PTPRD: variants seen among roughly 807,000 people sequenced by gnomAD.
PTPRD encodes receptor-type tyrosine-protein phosphatase delta.
PTPRD carries 34 observed loss-of-function variants against 214.5 expected under a neutral mutation model. That is an observed-to-expected ratio of 0.16 (90% CI 0.12 to 0.21). PTPRD has a LOEUF of 0.21. Ranked by LOEUF, PTPRD falls within the 10% of genes least tolerant of loss-of-function variation. PTPRD has a pLI of 1.00. For synonymous variants in PTPRD, 1,128 were observed against 845.7 expected (o/e 1.33, Z -5.79); for missense variants, 2,545 against 2,398.7 (o/e 1.06, Z -1.27).
At chr9:10,055,309 G>A (rs1453091304) in intron 3 of PTPRD, among the ~76,000 whole-genome samples, 3 of 152,060 alleles carry the variant, frequency 2.0e-5, no homozygotes, top group Non-Finnish European at 2.9e-5. Context: ...TGTATTTAAA[G>A]TAATGGAGTT....
At position 10,521,675 on chromosome 9, in the gene PTPRD, C is replaced by T. The variant is rs918798631; in HGVS notation, c.-600+90723G>A. ...AGCCATCCACCCTAACCTTCGACAACCACCACCCAGATTAGTCAAAAGCAA... is the reference window on the plus strand; with the variant it reads ...AGCCATCCACCCTAACCTTCGACAATCACCACCCAGATTAGTCAAAAGCAA... On this transcript the variant is annotated intron_variant, in intron 2 of 45. Coordinates refer to ENST00000381196, the MANE Select transcript of PTPRD (RefSeq NM_002839.4). Among the ~76,000 whole-genome samples the T allele has an allele frequency of 2.0e-5, 3 of 152,250 alleles. No homozygotes were observed. The South Asian group carries it at 6.2e-4, about 32-fold the overall frequency.
chr9:9,302,488 C>T (rs1955682411), intron 9 of PTPRD, among the ~76,000 whole-genome samples: 1 of 36,602 alleles, frequency 2.7e-5, no homozygotes, highest in South Asian at 8.2e-4. Flanking sequence ...GCAGATAAGG[C>T]CCATGTAACT....
chr9:10,009,305 T>G (rs1429177763), intron 4 of PTPRD, among the ~76,000 whole-genome samples: 1 of 150,160 alleles, frequency 6.7e-6, no homozygotes, highest in Non-Finnish European at 1.5e-5. Flanking sequence ...TGAAAACAAG[T>G]ATCCAAGGTG....
intron 3 of PTPRD, among the ~76,000 whole-genome samples, chr9:10,280,356 A>C (rs78533203): frequency 0.064 from 9,041 of 142,078 alleles, 906 homozygotes; most frequent in African/African-American, 0.23. Flanking sequence ...TAAATACATA[A>C]ACACCACACA....
At chr9:10,430,234 G>C (rs2098664994) in intron 2 of PTPRD, among the ~76,000 whole-genome samples, 3 of 151,874 alleles carry the variant, frequency 2.0e-5, no homozygotes, top group African/African-American at 7.2e-5. Context: ...AAGACAATTT[G>C]ATATCCTTAA....
At chr9:9,745,288 A>G (rs1229728193) in intron 6 of PTPRD, among the ~76,000 whole-genome samples, 1 of 152,126 alleles carries the variant, frequency 6.6e-6, no homozygotes, top group Non-Finnish European at 1.5e-5. Context: ...GCTGTGGACT[A>G]TGCTAAATAT....
chr9:8,652,829 G>C (rs1400061013), intron 12 of PTPRD, among the ~76,000 whole-genome samples: 3 of 152,116 alleles, frequency 2.0e-5, no homozygotes, highest in African/African-American at 7.2e-5. Flanking sequence ...TGTATGCCAG[G>C]TCACACACAT....
At chr9:9,183,141 G>C (rs1183224110) in intron 10 of PTPRD, among the ~76,000 whole-genome samples, 163 bp downstream of exon 10, 10 of 151,960 alleles carry the variant, frequency 6.6e-5, no homozygotes, top group Non-Finnish European at 8.8e-5. Flanking sequence ...AAAATCTATA[G>C]TAAAGAATAA....
At chr9:9,788,064 G>A (rs1164117068) in intron 5 of PTPRD, among the ~76,000 whole-genome samples, 1 of 151,516 alleles carries the variant, frequency 6.6e-6, no homozygotes, top group Non-Finnish European at 1.5e-5. Context: ...GATTACAGGC[G>A]TGAGCCATCG....
intron 8 of PTPRD, among the ~76,000 whole-genome samples, chr9:9,503,382 A>T (rs1020969825): frequency 2.0e-5 from 3 of 151,576 alleles, no homozygotes; most frequent in Non-Finnish European, 4.4e-5. Flanking sequence ...AGTGACTCAC[A>T]TTTTTTAGTG....
intron 10 of PTPRD, among the ~76,000 whole-genome samples, chr9:9,109,970 C>A (rs1378621619): frequency 6.6e-6 from 1 of 151,934 alleles, no homozygotes; most frequent in African/African-American, 2.4e-5. Context: ...TGAGGTAGAT[C>A]TGGGGGTACT....
At chr9:9,503,776 T>A (rs1020565335) in intron 8 of PTPRD, among the ~76,000 whole-genome samples, 1 of 151,636 alleles carries the variant, frequency 6.6e-6, no homozygotes, top group Non-Finnish European at 1.5e-5. Context: ...TGCCTATGAT[T>A]TTACAAAGGC....
chr9:9,472,579 C>T (rs2094700101), intron 8 of PTPRD, among the ~76,000 whole-genome samples: 1 of 151,938 alleles, frequency 6.6e-6, no homozygotes, highest in Non-Finnish European at 1.5e-5. Context: ...TTGCAGCCAA[C>T]CTCAAGTTTC....
chr9:10,371,254 C>T (rs763643463), intron 2 of PTPRD, among the ~76,000 whole-genome samples: 2 of 151,988 alleles, frequency 1.3e-5, no homozygotes, highest in Non-Finnish European at 2.9e-5. Flanking sequence ...TCCACACATA[C>T]TTGCTGTCTT....
intron 10 of PTPRD, among the ~76,000 whole-genome samples, chr9:9,146,689 C>T (rs2099869116): frequency 6.6e-6 from 1 of 152,062 alleles, no homozygotes; most frequent in Admixed American, 6.6e-5. Context: ...AATGAGAGGC[C>T]AGCCTTAGAG....
In PTPRD at chr9:10,286,448, A is replaced by C. The variant is rs185683893; in HGVS notation, c.-545+54515T>G. 5.1e-4 allele frequency among the ~76,000 whole-genome samples: 78 copies of C among 152,238 alleles called. 1 individual carries two copies. The highest frequency in any genetic ancestry group is 1.8e-3 in the African/African-American group (74 of 41,534). On this transcript the variant is annotated intron_variant, in intron 3 of 45. Coordinates refer to ENST00000381196, the MANE Select transcript of PTPRD (RefSeq NM_002839.4). ...CAGAGTGAGACCTCATTAGAAAATA[A>C]ATACATTTAAAAAAATTAAAAATTA...
At chr9:10,198,196 T>G (rs550950629) in intron 3 of PTPRD, among the ~76,000 whole-genome samples, 3 of 152,100 alleles carry the variant, frequency 2.0e-5, no homozygotes, top group Non-Finnish European at 4.4e-5. Flanking sequence ...ATGAACCTCA[T>G]GCAAATTAAA....
intron 14 of PTPRD, among the ~76,000 whole-genome samples, chr9:8,548,977 C>T (rs1464013797): frequency 6.6e-6 from 1 of 151,968 alleles, no homozygotes; most frequent in Non-Finnish European, 1.5e-5. Context: ...AGATGTGAGC[C>T]ACCGTGCCCG....
chr9:8,955,401 G>T (rs567660720), intron 11 of PTPRD, among the ~76,000 whole-genome samples: 1 of 151,750 alleles, frequency 6.6e-6, no homozygotes, highest in African/African-American at 2.4e-5. Context: ...CTATAAGCTC[G>T]TAGACTCAAT....
Sources: allele counts gnomAD v4.1 joint callset (sites outside exome capture counted in the v4.1 genomes callset), GRCh38; gene constraint gnomAD v4.1.1; transcripts MANE v1.5; gene names NCBI Gene and HGNC (gene_info 2026-07-23, HGNC 2026-07-21).